TSPAN18: variants seen among roughly 807,000 people sequenced by gnomAD.
TSPAN18 encodes the protein tetraspanin 18.
In TSPAN18, 14 loss-of-function variants were observed where a neutral mutation model predicts 27.3. That is an observed-to-expected ratio of 0.51 (90% CI 0.34 to 0.80). The LOEUF is 0.80. Ranked by LOEUF, TSPAN18 falls within the 30% of genes least tolerant of loss-of-function variation. The probability of loss-of-function intolerance (pLI) is 0.01; values close to 1 mark genes in which losing one functional copy is unlikely to be tolerated. For synonymous variants in TSPAN18, 143 were observed against 136.5 expected, an observed-to-expected ratio of 1.05 and a Z score of -0.33; for missense variants, 268 against 323.9, an observed-to-expected ratio of 0.83 and a Z score of 1.32.
intron 2 of TSPAN18, among the ~76,000 whole-genome samples, chr11:44,836,582 C>G (rs1857268563): frequency 6.6e-6 from 1 of 152,182 alleles, no homozygotes; most frequent in Admixed American, 6.5e-5. Flanking sequence ...TACAAAACAA[C>G]AGATTTTCAA....
Position 44,907,139 on chromosome 11 carries a change from AG to A in TSPAN18, c.63+663del, listed in dbSNP as rs1490975110. 4.8e-4 allele frequency among the ~76,000 whole-genome samples: 5 copies of A among 10,470 alleles called. No individual in the cohort carries two copies. In the Non-Finnish European group the frequency reaches 0.037, roughly 78 times the overall value. The allele number at this position is 10,470 out of a possible 152,430, so 6.9% of individuals were successfully genotyped here. A position where few individuals can be genotyped will look rare whatever the true frequency, so the allele number is the denominator to read the frequency against. ...TCTAGCCTATGGATTCTGTATATGAAGGGACAGCCCCGGACATTCAGGTGGC... is the reference window on the plus strand; with the variant it reads ...TCTAGCCTATGGATTCTGTATATGAAGGACAGCCCCGGACATTCAGGTGGC... On this transcript the variant is annotated intron_variant, in intron 4 of 9. Coordinates refer to ENST00000520358, the MANE Select transcript of TSPAN18 (RefSeq NM_130783.5).
chr11:44,754,521 T>C (rs970885200), intron 1 of TSPAN18, among the ~76,000 whole-genome samples: 32 of 152,258 alleles, frequency 2.1e-4, no homozygotes, highest in African/African-American at 7.5e-4. Flanking sequence ...TCTTGAACCA[T>C]GTGCCAAAGC....
intron 3 of TSPAN18, among the ~76,000 whole-genome samples, chr11:44,877,429 C>T (rs1858368009): frequency 6.6e-6 from 1 of 152,178 alleles, no homozygotes; most frequent in Non-Finnish European, 1.5e-5. Flanking sequence ...TCTCAGGGTC[C>T]ATTCCTTGGG....
intron 4 of TSPAN18, chr11:44,909,445 C>T: frequency 6.3e-6 from 3 of 477,530 alleles, no homozygotes; most frequent in South Asian, 7.4e-5. Flanking sequence ...TTATGTGATA[C>T]AGCCCGAGGT....
Position 44,924,609 on chromosome 11 carries a change from T to C in TSPAN18, c.616-2065T>C, listed in dbSNP as rs371439137. Among the ~76,000 whole-genome samples the C allele has an allele frequency of 4.6e-5, 7 of 152,196 alleles. No individual in the cohort carries two copies. The East Asian group carries it at 5.8e-4, about 13-fold the overall frequency. On this transcript the variant is annotated intron_variant, in intron 8 of 9. Coordinates refer to ENST00000520358, the MANE Select transcript of TSPAN18 (RefSeq NM_130783.5). ...GGCACGTGGAACACTGAGGGGATGA[T>C]GGGAGGGCCGAGGCATCCCCTGCCA...
chr11:44,804,106 T>C (rs1856540134), intron 2 of TSPAN18, among the ~76,000 whole-genome samples: 1 of 152,136 alleles, frequency 6.6e-6, no homozygotes, highest in Non-Finnish European at 1.5e-5. Flanking sequence ...TTTTTTTCTT[T>C]TTTTTTTCCC....
At chr11:44,825,831 T>C (rs1413778329) in intron 2 of TSPAN18, among the ~76,000 whole-genome samples, 1 of 151,212 alleles carries the variant, frequency 6.6e-6, no homozygotes, top group African/African-American at 2.4e-5. Flanking sequence ...TCTCCATGAG[T>C]GTGTTTAGGG....
At chr11:44,795,842 C>T (rs779397749) in intron 2 of TSPAN18, among the ~76,000 whole-genome samples, 3 of 152,082 alleles carry the variant, frequency 2.0e-5, no homozygotes, top group Admixed American at 1.3e-4. Context: ...CCGGCTGGCA[C>T]CAAGGACCTT....
chr11:44,870,949 G>A (rs900135700), intron 3 of TSPAN18, among the ~76,000 whole-genome samples: 9 of 152,172 alleles, frequency 5.9e-5, no homozygotes, highest in Admixed American at 4.6e-4. Flanking sequence ...GAGTGGAGTG[G>A]CATAGAGACT....
In TSPAN18 at chr11:44,909,746, G is replaced by A; in HGVS notation, c.105G>A (p.Met35Ile). 2 of 1,613,228 alleles carry A rather than the reference G, an allele frequency of 1.2e-6. No homozygotes were observed. Among genetic ancestry groups the A allele is most frequent in the African/African-American group, 2.7e-5 (2 of 75,028 alleles). Residue 35 changes from methionine (M) to isoleucine (I), a missense_variant, in exon 5 of 10, where the codon ATG (methionine) becomes ATA (isoleucine). Transcript: ENST00000520358. ...TGCTGGCCATCGGCATCTGGGTCAT[G>A]GTGGACCCCACCGGCTTCCGGGAGA... is the stretch of plus-strand genomic sequence containing the variant. Reference protein sequence around the residue: ...ACLLAIGIWVMVDPTGFREIV... With the variant: ...ACLLAIGIWVIVDPTGFREIV...
At chr11:44,861,688 T>C (rs1047870016) in intron 3 of TSPAN18, among the ~76,000 whole-genome samples, 30 of 151,470 alleles carry the variant, frequency 2.0e-4, no homozygotes, top group Non-Finnish European at 3.7e-4. Flanking sequence ...ACCCAGGTGG[T>C]CGCATGTGTC....
At chr11:44,854,116 G>A (rs1857669997) in intron 2 of TSPAN18, among the ~76,000 whole-genome samples, 2 of 147,526 alleles carry the variant, frequency 1.4e-5, no homozygotes, top group African/African-American at 5.0e-5. Flanking sequence ...ATCGTGTGCA[G>A]CCTGAGGCTG....
At chr11:44,905,432 C>G (rs539154708) in intron 3 of TSPAN18, among the ~76,000 whole-genome samples, 1 of 152,186 alleles carries the variant, frequency 6.6e-6, no homozygotes, top group Non-Finnish European at 1.5e-5. Context: ...TGTGGGACAT[C>G]GGACATGTCG....
At chr11:44,742,137 G>T (rs905032421) in intron 1 of TSPAN18, among the ~76,000 whole-genome samples, 7 of 152,102 alleles carry the variant, frequency 4.6e-5, no homozygotes, top group Admixed American at 3.9e-4. Context: ...GGAAATATTT[G>T]TCTGAAGCAT....
At chr11:44,830,320 A>T (rs867688102) in intron 2 of TSPAN18, among the ~76,000 whole-genome samples, 10 of 152,306 alleles carry the variant, frequency 6.6e-5, no homozygotes, top group Admixed American at 2.0e-4. Flanking sequence ...AACTGGACTT[A>T]CAGATTTATT....
chr11:44,886,979 A>C (rs1304611036), intron 3 of TSPAN18, among the ~76,000 whole-genome samples: 1 of 152,234 alleles, frequency 6.6e-6, no homozygotes, highest in African/African-American at 2.4e-5. Context: ...CCAGAACTCC[A>C]GCTGACTCAT....
intron 2 of TSPAN18, among the ~76,000 whole-genome samples, chr11:44,823,587 G>A (rs147515277): frequency 5.2e-4 from 79 of 152,228 alleles, no homozygotes; most frequent in African/African-American, 1.6e-3. Flanking sequence ...GGTTAAGGGT[G>A]GGGATCAATC....
At chr11:44,874,962 T>C (rs1858290909) in intron 3 of TSPAN18, among the ~76,000 whole-genome samples, 1 of 152,210 alleles carries the variant, frequency 6.6e-6, no homozygotes, top group East Asian at 1.9e-4. Flanking sequence ...CATTTTGCTT[T>C]TCCAACCAAG....
intron 2 of TSPAN18, among the ~76,000 whole-genome samples, chr11:44,807,527 C>CAAAAAAAAAAAAAAAAAAAAAAGAAAAA (rs1856625076): frequency 1.6e-5 from 1 of 64,482 alleles, no homozygotes; most frequent in Non-Finnish European, 2.7e-5. Flanking sequence ...AACTCCATCT[C>CAAAAAAAAAAAAAAAAAAAAAAGAAAAA]AAAAAAAAAA....
Sources: allele counts gnomAD v4.1 joint callset (sites outside exome capture counted in the v4.1 genomes callset), GRCh38; gene constraint gnomAD v4.1.1; transcripts MANE v1.5; gene names NCBI Gene and HGNC (gene_info 2026-07-23, HGNC 2026-07-21).